The following PKHD1 variants were observed in gnomAD, a reference collection of about 807,000 sequenced individuals.
PKHD1 encodes the protein PKHD1 ciliary IPT domain containing fibrocystin/polyductin, also known as fibrocystin.
In PKHD1, 291 loss-of-function variants were observed where a neutral mutation model predicts 412.0. The observed-to-expected ratio is 0.71, with a 90% CI of 0.64 to 0.78. The LOEUF is 0.78. Ranked by LOEUF, PKHD1 falls within the 30% of genes least tolerant of loss-of-function variation. The pLI is 0.00. For missense variants in PKHD1, 4,825 were observed against 4,950.7 expected (o/e 0.97, Z 0.76); for synonymous variants, 1,777 against 1,821.5 (o/e 0.98, Z 0.62).
rs1203546403 is a variant in PKHD1 at position 51,820,850 on chromosome 6, A to G, written c.8302+10011T>C. ...TCCAAAAGCTCCCTCAAGGGAGTAT[A>G]ATCAACTCAAGAAATGGCAACTGTA... On this transcript the variant is annotated intron_variant, in intron 52 of 66. Transcript: ENST00000371117. Among the ~76,000 whole-genome samples the G allele has an allele frequency of 3.3e-5, 5 of 152,336 alleles. No homozygotes were observed. The East Asian group carries it at 9.6e-4, about 29-fold the overall frequency.
intron 37 of PKHD1, among the ~76,000 whole-genome samples, chr6:51,918,840 T>C (rs1437343812): frequency 2.0e-5 from 3 of 152,230 alleles, no homozygotes; most frequent in Non-Finnish European, 2.9e-5. Flanking sequence ...CCTGACTTTT[T>C]AATGATCACC....
intron 36 of PKHD1, among the ~76,000 whole-genome samples, chr6:51,954,712 TATCA>T (rs1790856297): frequency 1.3e-5 from 2 of 148,758 alleles, no homozygotes; most frequent in Admixed American, 1.4e-4. Context: ...CAAATTAGCA[TATCA>T]ATCACTTCAC....
chr6:51,934,451 C>G (rs770329945), intron 36 of PKHD1, 129 bp from the exon 37 acceptor site: 9 of 717,118 alleles, frequency 1.3e-5, no homozygotes, highest in African/African-American at 3.5e-5. Context: ...TTATCATGCT[C>G]TCTCTTGTAG....
chr6:51,783,001 A>G (rs1792276368), intron 53 of PKHD1, among the ~76,000 whole-genome samples: 1 of 152,212 alleles, frequency 6.6e-6, no homozygotes, highest in Non-Finnish European at 1.5e-5. Flanking sequence ...AAACTTCCAT[A>G]TACCTAGTAC....
chr6:51,815,183 T>C (rs1765253386), intron 52 of PKHD1, among the ~76,000 whole-genome samples: 1 of 152,256 alleles, frequency 6.6e-6, no homozygotes, highest in Non-Finnish European at 1.5e-5. Context: ...CACTCTTTCA[T>C]TTATTTACTC....
rs758036424 is a variant in PKHD1 at position 51,748,404 on chromosome 6, G to A, written c.9212C>T (p.Pro3071Leu). 1 of 1,614,022 alleles carries A rather than the reference G, an allele frequency of 6.2e-7. No homozygotes were observed. The highest frequency in any genetic ancestry group is 2.2e-5 in the East Asian group (1 of 44,868). ...TNNLVVLMTQPAWSTIWVAGI... is the reference protein window; with the variant it reads ...TNNLVVLMTQLAWSTIWVAGI... ...CGCCACCCAAATGGTGGACCACGCT[G>A]GCTGTGTCATCAGAACCACAAGGTT... Residue 3071 changes from proline to leucine, a missense_variant, in exon 58 of 67, where the codon CCA becomes CTA. Pro to Leu is a moderately conservative substitution (Grantham distance 98, BLOSUM62 -3). Coordinates refer to ENST00000371117, the MANE Select transcript of PKHD1 (RefSeq NM_138694.4).
intron 51 of PKHD1, among the ~76,000 whole-genome samples, chr6:51,832,773 G>A (rs1768487911): frequency 6.6e-6 from 1 of 152,062 alleles, no homozygotes; most frequent in African/African-American, 2.4e-5. Context: ...GAAACATGAG[G>A]AACACTTAGT....
At position 51,912,452 on chromosome 6, in the gene PKHD1, T is replaced by C; in HGVS notation, c.6246A>G (p.Thr2082=). ...CCATCGGTTTGGCACCTTTAACACCTGTTCCACTGATGATGACAACTTCAT... is the reference window on the plus strand; with the variant it reads ...CCATCGGTTTGGCACCTTTAACACCCGTTCCACTGATGATGACAACTTCAT... ...PGDEVVIISG[T]GVKGAKPMEE... The change falls in exon 38 of 67, where the codon ACA becomes ACG. Residue 2082 remains threonine (T), a synonymous_variant. Coordinates refer to ENST00000371117, the MANE Select transcript of PKHD1 (RefSeq NM_138694.4). The C allele has an allele frequency of 1.2e-6, 2 of 1,612,904 alleles. No individual in the cohort carries two copies. The highest frequency in any genetic ancestry group is 1.7e-6 in the Non-Finnish European group (2 of 1,179,080).
intron 66 of PKHD1, among the ~76,000 whole-genome samples, chr6:51,621,487 G>A (rs867269691): frequency 1.7e-4 from 26 of 152,308 alleles, no homozygotes; most frequent in Middle Eastern, 3.4e-3. Flanking sequence ...TCAACCCATT[G>A]AAGATACTGT....
rs753169961 is a variant in PKHD1, at chr6:52,042,975, C to T, written c.2981G>A (p.Arg994Gln). 6.8e-5 allele frequency: 110 copies of T among 1,613,980 alleles called. 1 individual carries two copies. The highest frequency in any genetic ancestry group is 1.0e-4 in the Admixed American group (6 of 60,008). The change falls in exon 27 of 67, where the codon CGG (arginine) becomes CAG (glutamine). Residue 994 changes from arginine to glutamine, a missense_variant. Transcript: ENST00000371117. ...AGAGGGTCTCACCAACATCAAGATCCGATGCATTCCAACAGGTAGCAAATC... is the reference window on the plus strand; with the variant it reads ...AGAGGGTCTCACCAACATCAAGATCTGATGCATTCCAACAGGTAGCAAATC... The part of the protein sequence containing the change: ...QTDLLPVGMH[R>Q]ILMLVRPSGL...
At chr6:51,831,051 T>TAAAA in intron 51 of PKHD1, 62 bp from the exon 52 acceptor site, 1 of 1,297,574 alleles carries the variant, frequency 7.7e-7, no homozygotes, top group Non-Finnish European at 1.1e-6. Flanking sequence ...AATTCTATCC[T>TAAAA]TATTTTAGGA....
intron 61 of PKHD1, among the ~76,000 whole-genome samples, chr6:51,655,675 G>T (rs545762669): frequency 6.6e-6 from 1 of 152,246 alleles, no homozygotes; most frequent in African/African-American, 2.4e-5. Context: ...GAGTGGGCCA[G>T]GAGTCCAGAC....
At chr6:52,018,446 C>T (rs1208825012) in intron 33 of PKHD1, among the ~76,000 whole-genome samples, 12 of 152,174 alleles carry the variant, frequency 7.9e-5, no homozygotes, top group Non-Finnish European at 4.4e-5. Flanking sequence ...TTTTGCCAAT[C>T]AGGTGTGTAA....
intron 53 of PKHD1, among the ~76,000 whole-genome samples, chr6:51,777,263 T>C (rs1791179470): frequency 6.6e-6 from 1 of 152,134 alleles, no homozygotes; most frequent in Non-Finnish European, 1.5e-5. Flanking sequence ...TATACCTGGA[T>C]AGCCAAAAGG....
At chr6:51,832,204 A>G (rs535543155) in intron 51 of PKHD1, among the ~76,000 whole-genome samples, 1 of 152,242 alleles carries the variant, frequency 6.6e-6, no homozygotes, top group African/African-American at 2.4e-5. Flanking sequence ...GTTCTTTTTA[A>G]TGGTACCTGA....
In PKHD1 at chr6:51,647,965, C is replaced by G. The variant is rs2661501; in HGVS notation, c.11398+66G>C. The G allele has an allele frequency of 0.042, 40,535 of 963,820 alleles. 1,315 individuals carry two copies. The highest frequency in any genetic ancestry group is 0.13 in the African/African-American group (8,339 of 62,624). 59.7% of individuals were successfully genotyped at this position (963,820 alleles called of 1,614,324 possible). ...CAATTTTGCTATGAATTCCTAATGGCTGCAAACATTTTCTGTGCAGATAAA... is the reference window on the plus strand; with the variant it reads ...CAATTTTGCTATGAATTCCTAATGGGTGCAAACATTTTCTGTGCAGATAAA... On this transcript the variant is annotated intron_variant, in intron 63 of 66. Coordinates refer to ENST00000371117, the MANE Select transcript of PKHD1 (RefSeq NM_138694.4).
At chr6:52,019,670 T>C (rs1801120866) in intron 33 of PKHD1, among the ~76,000 whole-genome samples, 1 of 152,256 alleles carries the variant, frequency 6.6e-6, no homozygotes, top group South Asian at 2.1e-4. Context: ...TTAATCACTT[T>C]AGCTTTCCAT....
chr6:51,671,184 C>A (rs9382000), intron 60 of PKHD1, among the ~76,000 whole-genome samples: 75,469 of 151,676 alleles, frequency 0.5, 21,529 homozygotes, highest in Non-Finnish European at 0.65. Context: ...TTCAGGTACA[C>A]CAATCAGACG....
intron 47 of PKHD1, 34 bp downstream of exon 47, chr6:51,870,466 CCTTA>C: frequency 6.5e-7 from 1 of 1,539,832 alleles, no homozygotes; most frequent in Non-Finnish European, 9.0e-7. Flanking sequence ...TGAATATGGG[CCTTA>C]TTTATCATCT....
Sources: allele counts gnomAD v4.1 joint callset (sites outside exome capture counted in the v4.1 genomes callset), GRCh38; gene constraint gnomAD v4.1.1; transcripts MANE v1.5; gene names NCBI Gene and HGNC (gene_info 2026-07-23, HGNC 2026-07-21).